The following STK3 variants were observed in gnomAD, a reference collection of about 807,000 sequenced individuals.
STK3 encodes the protein serine/threonine kinase 3.
STK3 carries 41 observed loss-of-function variants against 58.0 expected under a neutral mutation model. The observed-to-expected ratio is 0.71, with a 90% CI of 0.55 to 0.92. The LOEUF (loss-of-function observed/expected upper bound fraction) is 0.92. Among genes scored for constraint, STK3 ranks in the 40% least tolerant of loss-of-function variants. The probability of loss-of-function intolerance (pLI) is 0.00; values close to 1 mark genes in which losing one functional copy is unlikely to be tolerated. For synonymous variants in STK3, 170 were observed against 191.0 expected, an observed-to-expected ratio of 0.89 and a Z score of 0.91; for missense variants, 479 against 602.7, an observed-to-expected ratio of 0.79 and a Z score of 2.15.
chr8:98,639,859 C>T (rs1300868841), intron 6 of STK3, among the ~76,000 whole-genome samples: 2 of 152,014 alleles, frequency 1.3e-5, no homozygotes, highest in African/African-American at 4.8e-5. Flanking sequence ...GCCTGTAATC[C>T]CAGCACTTTG....
intron 1 of STK3, among the ~76,000 whole-genome samples, chr8:98,793,383 A>G (rs2131589195): frequency 6.6e-6 from 1 of 152,276 alleles, no homozygotes; most frequent in South Asian, 2.1e-4. Flanking sequence ...CAAAAAATAC[A>G]AAAAATTAGC....
intron 4 of STK3, 80 bp from the exon 5 acceptor site, chr8:98,707,391 T>C (rs1826039142): frequency 4.7e-6 from 5 of 1,070,694 alleles, no homozygotes; most frequent in Non-Finnish European, 6.5e-6. Context: ...GTAACAAGTA[T>C]GTCTTTCCGT....
At chr8:98,833,906 T>C (rs558295022) in intron 3 of STK3, among the ~76,000 whole-genome samples, 1 of 152,126 alleles carries the variant, frequency 6.6e-6, no homozygotes, top group East Asian at 1.9e-4. Flanking sequence ...TGGAGGTGGG[T>C]TTAGAGTTGA....
At chr8:98,939,835 T>A (rs1194255020) in intron 1 of STK3, among the ~76,000 whole-genome samples, 1 of 152,258 alleles carries the variant, frequency 6.6e-6, no homozygotes, top group Middle Eastern at 3.2e-3. Context: ...AGTCCCGCCC[T>A]GGGCGGTTGG....
At chr8:98,762,101 T>TA (rs1454375424) in intron 3 of STK3, among the ~76,000 whole-genome samples, 2 of 152,202 alleles carry the variant, frequency 1.3e-5, no homozygotes, top group African/African-American at 4.8e-5. Flanking sequence ...CATGAGGTGT[T>TA]AGATATCTCT....
chr8:98,604,986 A>AACAAAAGTG (rs1431969057), intron 6 of STK3, among the ~76,000 whole-genome samples: 1 of 152,156 alleles, frequency 6.6e-6, no homozygotes, highest in African/African-American at 2.4e-5. Context: ...GTTAATGCAT[A>AACAAAAGTG]ACAAAAGTGA....
rs75993995 is a variant in STK3 at position 98,384,805 on chromosome 8, C to T, written n.56+3387G>A. 4.4e-3 allele frequency among the ~76,000 whole-genome samples: 672 copies of T among 152,306 alleles called. 4 individuals carry two copies. The highest frequency in any genetic ancestry group is 7.0e-3 in the Non-Finnish European group (474 of 68,026). On this transcript the variant is annotated intron_variant and non_coding_transcript_variant, in intron 1 of 2. Transcript: ENST00000518704. ...CTTGGGCAGCTCCAGATCCCAGCAT[C>T]ATTCTTGAATCCTTTCTGCTTTCCT...
chr8:98,586,898 G>A (rs1488213747), intron 7 of STK3, among the ~76,000 whole-genome samples: 3 of 151,882 alleles, frequency 2.0e-5, no homozygotes, highest in African/African-American at 4.9e-5. Flanking sequence ...GGTGTTTGTA[G>A]TATTCTCGGA....
chr8:98,630,987 T>C (rs749819581), intron 6 of STK3, among the ~76,000 whole-genome samples: 1 of 152,178 alleles, frequency 6.6e-6, no homozygotes, highest in East Asian at 1.9e-4. Context: ...TCATTCAAGA[T>C]ATCTGAGCCA....
chr8:98,413,280 A>G, intron 3 of STK3: 6 of 414,610 alleles, frequency 1.4e-5, no homozygotes, highest in South Asian at 1.9e-5. Flanking sequence ...TTCCCAAAGT[A>G]TTGGGATTAC....
the STK3 span, among the ~76,000 whole-genome samples, chr8:98,353,701 C>A: frequency 6.6e-6 from 1 of 152,148 alleles, no homozygotes; most frequent in Admixed American, 6.5e-5. Context: ...TCTATAAAAG[C>A]ATTTCCCAAC....
At chr8:98,698,759 G>T (rs1825243690) in intron 6 of STK3, among the ~76,000 whole-genome samples, 2 of 152,134 alleles carry the variant, frequency 1.3e-5, no homozygotes, top group African/African-American at 4.8e-5. Flanking sequence ...GCTTCCCTTT[G>T]TGGGTAACCC....
intron 3 of STK3, among the ~76,000 whole-genome samples, chr8:98,765,605 C>G (rs977634118): frequency 3.9e-5 from 6 of 152,196 alleles, no homozygotes; most frequent in Non-Finnish European, 8.8e-5. Context: ...AAAGCCCCTT[C>G]CCTGCTTCTT....
intron 10 of STK3, among the ~76,000 whole-genome samples, chr8:98,460,183 A>G (rs1335211583): frequency 6.6e-6 from 1 of 152,246 alleles, no homozygotes; most frequent in African/African-American, 2.4e-5. Flanking sequence ...CACCTCTTGC[A>G]TCAATGTGAC....
chr8:98,803,247 G>C (rs1363129384), intron 1 of STK3, among the ~76,000 whole-genome samples: 1 of 152,036 alleles, frequency 6.6e-6, no homozygotes, highest in Non-Finnish European at 1.5e-5. Context: ...ACTGAAAAAA[G>C]AAAGGCCTCT....
intron 3 of STK3, chr8:98,429,333 G>C: frequency 6.2e-7 from 1 of 1,614,214 alleles, no homozygotes; most frequent in Non-Finnish European, 8.5e-7. Context: ...TGCCCATAAA[G>C]TTAAATCCCT....
chr8:98,773,811 T>A (rs900502645), intron 2 of STK3, among the ~76,000 whole-genome samples: 6 of 146,568 alleles, frequency 4.1e-5, no homozygotes, highest in East Asian at 2.0e-4. Flanking sequence ...TTATTTATTT[T>A]TTGAGACGGA....
intron 7 of STK3, among the ~76,000 whole-genome samples, chr8:98,589,433 C>T (rs1293950327): frequency 1.3e-5 from 2 of 152,248 alleles, no homozygotes; most frequent in Non-Finnish European, 2.9e-5. Context: ...CATGCACCCA[C>T]TTAAGGAGGC....
chr8:98,852,031 C>T (rs1836488820), intron 3 of STK3, among the ~76,000 whole-genome samples: 1 of 151,710 alleles, frequency 6.6e-6, no homozygotes, highest in Admixed American at 6.6e-5. Context: ...AAGAAGAAGG[C>T]AGAGCCAAGA....
Sources: gnomAD v4.1 joint callset for allele counts (sites outside exome capture counted in the v4.1 genomes callset) on GRCh38, gnomAD v4.1.1 for gene constraint, MANE v1.5 for transcripts, NCBI Gene and HGNC (gene_info 2026-07-23, HGNC 2026-07-21) for gene names.